The following HAUS8 variants were observed in gnomAD, a reference collection of about 807,000 sequenced individuals.
The protein encoded by HAUS8 is HAUS augmin like complex subunit 8, also known as HAUS augmin-like complex subunit 8.
A neutral mutation model predicts 42.9 loss-of-function variants in HAUS8; 38 were observed. The ratio of observed to expected loss-of-function variants is 0.89; its 90% CI spans 0.68 to 1.16. HAUS8 has a LOEUF of 1.16. HAUS8 is among the 50% of genes most tolerant of loss of function. HAUS8 has a pLI of 0.00. For synonymous variants in HAUS8, 199 were observed against 205.8 expected (o/e 0.97, Z 0.28); for missense variants, 494 against 511.6 (o/e 0.97, Z 0.33).
At chr19:17,073,398 G>T in intron 1 of HAUS8, 63 bp from the exon 2 acceptor site, 1 of 1,475,900 alleles carries the variant, frequency 6.8e-7, no homozygotes, top group African/African-American at 1.4e-5. Context: ...GGAAGCCGGC[G>T]AGGTGCCTCT....
At chr19:17,053,062 C>G in intron 9 of HAUS8, 96 bp from the exon 10 acceptor site, 3 of 1,454,146 alleles carry the variant, frequency 2.1e-6, no homozygotes, top group Non-Finnish European at 2.9e-6. Context: ...TCATGATGCT[C>G]GGCTATCGCG....
intron 8 of HAUS8, among the ~76,000 whole-genome samples, chr19:17,057,431 A>G (rs994821117): frequency 6.6e-6 from 1 of 152,152 alleles, no homozygotes; most frequent in Non-Finnish European, 1.5e-5. Context: ...CACTCATGAC[A>G]TGCCTAACTT....
intron 9 of HAUS8, chr19:17,053,203 A>C (rs1280214172): frequency 1.1e-5 from 6 of 561,716 alleles, no homozygotes; most frequent in South Asian, 6.1e-5. Flanking sequence ...CCAGAACTGA[A>C]ATGTCACTCT....
At chr19:17,069,907 C>T (rs2057410964) in intron 2 of HAUS8, among the ~76,000 whole-genome samples, 1 of 152,054 alleles carries the variant, frequency 6.6e-6, no homozygotes, top group South Asian at 2.1e-4. Context: ...GGCTGCATTC[C>T]CCCGGCCCTG....
intron 2 of HAUS8, among the ~76,000 whole-genome samples, chr19:17,069,506 C>T (rs902958437): frequency 1.3e-5 from 2 of 151,012 alleles, no homozygotes; most frequent in African/African-American, 4.9e-5. Context: ...CCTGGTACTA[C>T]CTTTTACTCC....
At chr19:17,066,276 T>A (rs899483773) in intron 3 of HAUS8, among the ~76,000 whole-genome samples, 26 of 151,758 alleles carry the variant, frequency 1.7e-4, no homozygotes, top group Non-Finnish European at 2.9e-4. Context: ...AAAAAAAAAA[T>A]TTCAGAGACG....
At chr19:17,067,237 A>G (rs1002806932) in intron 3 of HAUS8, among the ~76,000 whole-genome samples, 4 of 151,724 alleles carry the variant, frequency 2.6e-5, no homozygotes, top group Admixed American at 6.6e-5. Context: ...AAGCACCTAC[A>G]TGCAATACAT....
intron 3 of HAUS8, among the ~76,000 whole-genome samples, chr19:17,064,402 G>A (rs2057376657): frequency 6.6e-6 from 1 of 152,196 alleles, no homozygotes; most frequent in African/African-American, 2.4e-5. Flanking sequence ...AAAGCCAAAG[G>A]AACGAGAAGA....
At chr19:17,069,158 C>G in intron 2 of HAUS8, 72 bp from the exon 3 acceptor site, 1 of 1,365,654 alleles carries the variant, frequency 7.3e-7, no homozygotes, top group Non-Finnish European at 1.0e-6. Flanking sequence ...AGACCCCACG[C>G]CCCGGAGACC....
intron 2 of HAUS8, among the ~76,000 whole-genome samples, chr19:17,069,768 T>C (rs1411247579): frequency 6.6e-6 from 1 of 151,618 alleles, no homozygotes; most frequent in Non-Finnish European, 1.5e-5. Flanking sequence ...TCAAAACTGT[T>C]CCTCCCACCT....
intron 10 of HAUS8, among the ~76,000 whole-genome samples, chr19:17,050,870 C>T (rs932805228): frequency 6.6e-6 from 1 of 151,946 alleles, no homozygotes; most frequent in South Asian, 2.1e-4. Context: ...GGCACTCCAA[C>T]CTGGGCGACA....
chr19:17,062,228 C>T (rs546585214), intron 4 of HAUS8, among the ~76,000 whole-genome samples: 2 of 152,274 alleles, frequency 1.3e-5, no homozygotes, highest in East Asian at 1.9e-4. Context: ...TCAAGCGATT[C>T]GCCTGCCTCA....
chr19:17,061,284 C>T (rs2057359300), intron 4 of HAUS8, among the ~76,000 whole-genome samples: 1 of 152,112 alleles, frequency 6.6e-6, no homozygotes, highest in Admixed American at 6.5e-5. Flanking sequence ...GCAAGTGTCA[C>T]CATGCCCAGA....
intron 2 of HAUS8, among the ~76,000 whole-genome samples, chr19:17,071,070 TA>T (rs66941823): frequency 2.0e-4 from 29 of 146,996 alleles, no homozygotes; most frequent in Non-Finnish European, 3.2e-4. Flanking sequence ...CTTTGTCTCA[TA>T]AAAAAAAAAA....
chr19:17,066,115 A>G (rs2057385995), intron 3 of HAUS8, among the ~76,000 whole-genome samples: 1 of 151,972 alleles, frequency 6.6e-6, no homozygotes, highest in Non-Finnish European at 1.5e-5. Context: ...ACCACTACGC[A>G]CAGCTATTTT....
At chr19:17,050,375 A>C (rs1161731310) in intron 10 of HAUS8, among the ~76,000 whole-genome samples, 199 bp from the exon 11 acceptor site, 1 of 152,150 alleles carries the variant, frequency 6.6e-6, no homozygotes, top group Non-Finnish European at 1.5e-5. Context: ...ACATGAAAGG[A>C]AAGATTCATC....
At chr19:17,062,659 C>A (rs1001117057) in intron 4 of HAUS8, 39 bp downstream of exon 4, 3 of 1,526,780 alleles carry the variant, frequency 2.0e-6, no homozygotes, top group Non-Finnish European at 2.7e-6. Flanking sequence ...AATTTACTGC[C>A]GCGCTCATCA....
chr19:17,072,579 AT>A (rs1462044729), intron 2 of HAUS8, among the ~76,000 whole-genome samples: 7 of 151,834 alleles, frequency 4.6e-5, no homozygotes, highest in Non-Finnish European at 7.4e-5. Flanking sequence ...TGACCTCATG[AT>A]CCACCCACCT....
At chr19:17,069,448 G>A (rs1040536117) in intron 2 of HAUS8, among the ~76,000 whole-genome samples, 1 of 150,832 alleles carries the variant, frequency 6.6e-6, no homozygotes, top group South Asian at 2.1e-4. Flanking sequence ...CTCCCATCTC[G>A]TGTGACCCCA....
Sources: gnomAD v4.1 joint callset for allele counts (sites outside exome capture counted in the v4.1 genomes callset) on GRCh38, gnomAD v4.1.1 for gene constraint, MANE v1.5 for transcripts, NCBI Gene and HGNC (gene_info 2026-07-23, HGNC 2026-07-21) for gene names.